The following NOL10 variants were observed in gnomAD, a reference collection of about 807,000 sequenced individuals.
NOL10 encodes nucleolar protein 10.
In NOL10, 58 loss-of-function variants were observed where a neutral mutation model predicts 103.5. That is an observed-to-expected ratio of 0.56 (90% CI 0.45 to 0.70). The LOEUF (loss-of-function observed/expected upper bound fraction) is 0.70, where lower values mean the gene tolerates loss of function less well. NOL10 is among the 30% of genes least tolerant of loss of function. The pLI is 0.00. For missense variants in NOL10, 763 were observed against 807.3 expected (o/e 0.95, Z 0.67); for synonymous variants, 287 against 282.5 (o/e 1.02, Z -0.16).
Position 10,603,028 on chromosome 2 carries a change from A to G in NOL10, c.1233+50T>C, listed in dbSNP as rs772320249. 11 of 1,432,150 alleles carry G rather than the reference A, an allele frequency of 7.7e-6. No individual in the cohort carries two copies. In the Admixed American group the frequency reaches 1.9e-4, roughly 25 times the overall value. The allele number at this position is 1,432,150 out of a possible 1,614,324, so 88.7% of individuals were successfully genotyped here. A position where few individuals can be genotyped will look rare whatever the true frequency, so the allele number is the denominator to read the frequency against. On this transcript the variant is annotated intron_variant, in intron 15 of 20. Transcript: ENST00000381685. Reference sequence around the variant, plus strand: ...GTGCGAGTAGTGAGGAAATGGCCACAGACTGCGCATTAGTTACCTGAAACA... The same window carrying G: ...GTGCGAGTAGTGAGGAAATGGCCACGGACTGCGCATTAGTTACCTGAAACA...
At chr2:10,670,058 A>C (rs191224041) in intron 6 of NOL10, among the ~76,000 whole-genome samples, 1 of 152,168 alleles carries the variant, frequency 6.6e-6, no homozygotes, top group African/African-American at 2.4e-5. Context: ...ATAAAAAACT[A>C]ATAATAAAAC....
intron 13 of NOL10, among the ~76,000 whole-genome samples, chr2:10,615,140 C>T (rs189216073): frequency 3.9e-5 from 6 of 152,276 alleles, no homozygotes; most frequent in Non-Finnish European, 7.3e-5. Context: ...AGTTTACATG[C>T]ATTTGTGTGA....
chr2:10,637,545 G>A (rs890043321), intron 13 of NOL10, among the ~76,000 whole-genome samples: 9 of 152,188 alleles, frequency 5.9e-5, no homozygotes, highest in Admixed American at 1.3e-4. Context: ...GCGTCAGAAG[G>A]CCTCACCTCT....
intron 8 of NOL10, 140 bp from the exon 9 acceptor site, chr2:10,663,184 T>C (rs1680320776): frequency 1.2e-5 from 7 of 601,238 alleles, no homozygotes; most frequent in Non-Finnish European, 1.5e-5. Flanking sequence ...CTGACTAACA[T>C]GGCGAAACTC....
chr2:10,584,377 C>A (rs1004128286), intron 19 of NOL10, among the ~76,000 whole-genome samples: 2 of 152,122 alleles, frequency 1.3e-5, no homozygotes, highest in African/African-American at 2.4e-5. Context: ...ACAAAGTTAG[C>A]CCACTGTAAG....
intron 9 of NOL10, among the ~76,000 whole-genome samples, chr2:10,659,621 T>C (rs972831991): frequency 3.3e-5 from 5 of 152,240 alleles, no homozygotes; most frequent in Non-Finnish European, 5.9e-5. Context: ...AGGTCAAGGC[T>C]GCAGTGAGCT....
intron 6 of NOL10, 30 bp from the exon 7 acceptor site, chr2:10,668,753 T>C (rs58764953): frequency 0.019 from 19,205 of 997,342 alleles, 376 homozygotes; most frequent in African/African-American, 0.082. Flanking sequence ...GTTAAAAACC[T>C]GCTAAACTAC....
chr2:10,605,234 T>C (rs532817827), intron 14 of NOL10, among the ~76,000 whole-genome samples: 4 of 152,204 alleles, frequency 2.6e-5, no homozygotes, highest in Non-Finnish European at 5.9e-5. Context: ...CCAGTCCTTT[T>C]TACAGACGTA....
intron 13 of NOL10, among the ~76,000 whole-genome samples, chr2:10,619,203 G>A (rs759059484): frequency 6.7e-6 from 1 of 149,506 alleles, no homozygotes; most frequent in South Asian, 2.1e-4. Context: ...CTGGAGTACA[G>A]TGGCATGATC....
chr2:10,651,980 G>A (rs540648216), intron 12 of NOL10, among the ~76,000 whole-genome samples: 2 of 152,260 alleles, frequency 1.3e-5, no homozygotes, highest in African/African-American at 4.8e-5. Flanking sequence ...AGTGGCTCAC[G>A]CCTGTAATCC....
chr2:10,617,004 GT>G (rs1256885578), intron 13 of NOL10, among the ~76,000 whole-genome samples: 8 of 92,330 alleles, frequency 8.7e-5, no homozygotes, highest in African/African-American at 4.1e-4. Flanking sequence ...TAGATACTCA[GT>G]GACAAAACAC....
chr2:10,595,399 T>C (rs1398453369), intron 17 of NOL10, among the ~76,000 whole-genome samples: 2 of 152,058 alleles, frequency 1.3e-5, no homozygotes, highest in African/African-American at 4.8e-5. Context: ...AACTGCGGCC[T>C]TGCAGGGAGA....
rs911645741 is a variant in NOL10 at position 10,657,708 on chromosome 2, A to T, written c.906+34T>A. On this transcript the variant is annotated intron_variant, in intron 11 of 20. Transcript: ENST00000381685. ...AGGATCATTCGGAACACCTGCAAAT[A>T]AAGAAGCAAGTAATTTCAACCAAAA... 3 of 1,533,056 alleles carry T rather than the reference A, an allele frequency of 2.0e-6. No individual in the cohort carries two copies. In the African/African-American group the frequency reaches 4.1e-5, roughly 21 times the overall value. The allele number at this position is 1,533,056 out of a possible 1,614,324, so 95.0% of individuals were successfully genotyped here. A position where few individuals can be genotyped will look rare whatever the true frequency, so the allele number is the denominator to read the frequency against.
chr2:10,683,454 T>C (rs1460323242), intron 2 of NOL10, among the ~76,000 whole-genome samples: 1 of 152,176 alleles, frequency 6.6e-6, no homozygotes, highest in African/African-American at 2.4e-5. Flanking sequence ...ATAAATGGAT[T>C]TAATTTACAC....
intron 5 of NOL10, 36 bp downstream of exon 5, chr2:10,673,484 G>A (rs781339487): frequency 1.4e-6 from 2 of 1,399,098 alleles, no homozygotes; most frequent in South Asian, 1.5e-5. Flanking sequence ...TCATTTCTTG[G>A]GTCTAGTCAG....
chr2:10,626,021 A>AAT (rs1553303537), intron 13 of NOL10, among the ~76,000 whole-genome samples: 3 of 150,534 alleles, frequency 2.0e-5, no homozygotes, highest in Non-Finnish European at 3.0e-5. Flanking sequence ...GAAAAAAAAA[A>AAT]TTTTTTTTTA....
intron 1 of NOL10, among the ~76,000 whole-genome samples, chr2:10,687,005 A>G (rs1682260560): frequency 2.6e-5 from 4 of 152,234 alleles, no homozygotes; most frequent in Admixed American, 2.6e-4. Context: ...ATCGATATGC[A>G]GATGTGCTTA....
At chr2:10,583,747 C>A (rs1044062324) in intron 19 of NOL10, among the ~76,000 whole-genome samples, 1 of 152,200 alleles carries the variant, frequency 6.6e-6, no homozygotes, top group South Asian at 2.1e-4. Flanking sequence ...ATCGTTCAGG[C>A]CTGTGGCCCT....
At chr2:10,659,304 G>T in intron 9 of NOL10, 54 bp from the exon 10 acceptor site, 1 of 640,500 alleles carries the variant, frequency 1.6e-6, no homozygotes, top group Non-Finnish European at 2.5e-6. Context: ...CTCCTTCCAA[G>T]TAACAAGTTC....
Sources: allele counts gnomAD v4.1 joint callset (sites outside exome capture counted in the v4.1 genomes callset), GRCh38; gene constraint gnomAD v4.1.1; transcripts MANE v1.5; gene names NCBI Gene and HGNC (gene_info 2026-07-23, HGNC 2026-07-21).